Variants in USP3 observed in about 807,000 individuals in gnomAD.
USP3 encodes ubiquitin specific peptidase 3.
A neutral mutation model predicts 72.3 loss-of-function variants in USP3; 20 were observed. The observed-to-expected ratio is 0.28, with a 90% confidence interval of 0.19 to 0.40. The LOEUF (loss-of-function observed/expected upper bound fraction) is 0.40. USP3 is among the 10% of genes least tolerant of loss of function. USP3 has a pLI of 1.00. For missense variants in USP3, 479 were observed against 633.9 expected, an observed-to-expected ratio of 0.76 and a Z score of 2.62; for synonymous variants, 222 against 225.3, an observed-to-expected ratio of 0.99 and a Z score of 0.13.
chr15:63,527,689 A>T (rs2066004663), intron 1 of USP3: 1 of 152,240 alleles, frequency 6.6e-6, no homozygotes, highest in Non-Finnish European at 1.5e-5. Flanking sequence ...TTGTGAACAC[A>T]ACCTGAAAAG....
At chr15:63,557,827 A>G (rs1301319463) in intron 5 of USP3, among the ~76,000 whole-genome samples, 1 of 152,184 alleles carries the variant, frequency 6.6e-6, no homozygotes, top group South Asian at 2.1e-4. Context: ...TGTTTTTTGC[A>G]TTGTGTACTC....
chr15:63,558,026 G>C, intron 5 of USP3, 80 bp from the exon 6 acceptor site: 1 of 1,469,078 alleles, frequency 6.8e-7, no homozygotes. Context: ...AGATTTCAGA[G>C]GCCTTTCCTT....
In USP3 at chr15:63,556,726, ACAG is replaced by A; in HGVS notation, c.431_433del (p.Ser144del). On this transcript the variant is annotated inframe_deletion, in exon 5 of 15. Coordinates refer to ENST00000380324, the MANE Select transcript of USP3 (RefSeq NM_006537.4). The stretch of plus-strand genomic sequence containing the variant: ...AAACTTTTGGAAAACTCAACACTAA[ACAG>A]CAAGTTATTAAAAGTAAATGTAAGT... The A allele has an allele frequency of 6.2e-7, 1 of 1,604,842 alleles. No homozygotes were observed.
chr15:63,553,932 A>G lies in USP3; in HGVS notation c.368+134A>G. On this transcript the variant is annotated intron_variant, in intron 4 of 14. Coordinates refer to ENST00000380324, the MANE Select transcript of USP3 (RefSeq NM_006537.4). This position sits in a 1 kb window ranked among gnomAD's most constrained non-coding sequence, Gnocchi z 4.2. ...AATATGATTGAAATGTTAATAAAAT[A>G]AACCTTGGCTTTGGATAGCTAAAAC... 1 of 670,138 alleles carries G rather than the reference A, an allele frequency of 1.5e-6. No individual in the cohort carries two copies. The highest frequency in any genetic ancestry group is 2.6e-5 in the South Asian group (1 of 38,568). 41.5% of individuals were successfully genotyped at this position (670,138 alleles called of 1,614,324 possible).
chr15:63,589,231 C>T (rs1880486966), intron 14 of USP3: 3 of 572,644 alleles, frequency 5.2e-6, no homozygotes, highest in African/African-American at 3.7e-5. Flanking sequence ...TTCATTTGAA[C>T]CCAGTATTTA....
At chr15:63,506,995 C>T (rs931675891) in intron 1 of USP3, among the ~76,000 whole-genome samples, 6 of 152,232 alleles carry the variant, frequency 3.9e-5, no homozygotes, top group African/African-American at 1.4e-4. Flanking sequence ...GCGTGCCTGT[C>T]GTTTCAGTGA....
At chr15:63,521,535 T>G (rs1281264215) in intron 1 of USP3, among the ~76,000 whole-genome samples, 1 of 152,186 alleles carries the variant, frequency 6.6e-6, no homozygotes, top group African/African-American at 2.4e-5. Flanking sequence ...CGTAATTATT[T>G]TTCTGTTGGG....
intron 11 of USP3, among the ~76,000 whole-genome samples, chr15:63,581,890 G>T (rs755100155): frequency 4.0e-5 from 6 of 149,624 alleles, no homozygotes; most frequent in Non-Finnish European, 8.9e-5. Flanking sequence ...TCACCCTTTT[G>T]CCCAGGCTGG....
intron 2 of USP3, among the ~76,000 whole-genome samples, chr15:63,535,263 TAC>T (rs1284524199): frequency 1.3e-5 from 2 of 152,344 alleles, no homozygotes; most frequent in East Asian, 3.9e-4. Flanking sequence ...TCTTGACCTA[TAC>T]AGTTACATGT....
chr15:63,585,670 G>T (rs1396765245), intron 11 of USP3, among the ~76,000 whole-genome samples: 1 of 152,022 alleles, frequency 6.6e-6, no homozygotes, highest in African/African-American at 2.4e-5. Flanking sequence ...TGTGCCTTTG[G>T]TGTTGCATCT....
chr15:63,571,492 A>T (rs2066778193), intron 9 of USP3, among the ~76,000 whole-genome samples: 1 of 152,226 alleles, frequency 6.6e-6, no homozygotes, highest in Non-Finnish European at 1.5e-5. Context: ...CTGTGATTCC[A>T]ATTAGAATCC....
chr15:63,558,591 G>A (rs1454553620), intron 6 of USP3, among the ~76,000 whole-genome samples: 1 of 151,820 alleles, frequency 6.6e-6, no homozygotes, highest in African/African-American at 2.4e-5. Flanking sequence ...ACACTTTAGG[G>A]CCAGGTGCAG....
rs188234699 is a variant in USP3 at position 63,580,187 on chromosome 15, A to G, written c.1096+5784A>G. Among the ~76,000 whole-genome samples, 142 of 152,288 alleles carry G rather than the reference A, an allele frequency of 9.3e-4. 1 individual carries two copies. The highest frequency in any genetic ancestry group is 3.4e-3 in the African/African-American group (141 of 41,576). ...TGCCATAGAAACATAGCTACAAAAT[A>G]TTGTGTAGTAAAAAACTGTCCATGG... is the stretch of plus-strand genomic sequence containing the variant. On this transcript the variant is annotated intron_variant, in intron 11 of 14. Transcript: ENST00000380324.
At chr15:63,535,080 G>A (rs1157328109) in intron 2 of USP3, among the ~76,000 whole-genome samples, 4 of 152,066 alleles carry the variant, frequency 2.6e-5, no homozygotes, top group Non-Finnish European at 4.4e-5. Flanking sequence ...ACAGGCATGT[G>A]CCACCAACCA....
chr15:63,518,115 A>G (rs2065875563), intron 1 of USP3, among the ~76,000 whole-genome samples: 3 of 152,322 alleles, frequency 2.0e-5, no homozygotes, highest in South Asian at 2.1e-4. Context: ...CCTATCAGAA[A>G]TGGATCTTAT....
At chr15:63,576,131 C>T (rs187884499) in intron 11 of USP3, among the ~76,000 whole-genome samples, 137 of 152,020 alleles carry the variant, frequency 9.0e-4, no homozygotes, top group Non-Finnish European at 1.5e-3. Context: ...GGACTACAGG[C>T]GTATGCCACC....
chr15:63,585,690 T>C (rs867785557), intron 11 of USP3, among the ~76,000 whole-genome samples: 2 of 152,308 alleles, frequency 1.3e-5, no homozygotes, highest in South Asian at 2.1e-4. Context: ...TAAAAAGCCA[T>C]TGCCAAATGC....
intron 5 of USP3, chr15:63,557,101 C>T (rs764545359): frequency 3.5e-5 from 6 of 172,942 alleles, no homozygotes; most frequent in Middle Eastern, 2.5e-3. Flanking sequence ...GATGGAGTCC[C>T]ACTCCGTAGC....
In USP3 at chr15:63,544,715, G is replaced by A; in HGVS notation, c.284+7559G>A. The A allele has an allele frequency of 1.4e-6, 1 of 702,066 alleles. No individual in the cohort carries two copies. Among genetic ancestry groups the A allele is most frequent in the East Asian group, 2.7e-5 (1 of 37,236 alleles). 43.5% of individuals were successfully genotyped at this position (702,066 alleles called of 1,614,324 possible). A position where few individuals can be genotyped will look rare whatever the true frequency, so the allele number is the denominator to read the frequency against. ...TTAAATAAGTGAATAGTGCGAAATG[G>A]AAAATACCGAGGGGTAAGAGAGTTC... On this transcript the variant is annotated intron_variant, in intron 3 of 14. Coordinates refer to ENST00000380324, the MANE Select transcript of USP3 (RefSeq NM_006537.4). The surrounding 1 kb of genome is among the most constrained non-coding windows in gnomAD (Gnocchi z 4.2).
Sources: gnomAD v4.1 joint callset for allele counts (sites outside exome capture counted in the v4.1 genomes callset) on GRCh38, gnomAD v4.1.1 for gene constraint, Gnocchi (gnomAD v3.1) non-coding constraint, MANE v1.5 for transcripts, NCBI Gene and HGNC (gene_info 2026-07-23, HGNC 2026-07-21) for gene names.